LMO3: variants seen among roughly 807,000 people sequenced by gnomAD.
LMO3 encodes the protein LIM domain only 3.
A neutral mutation model predicts 15.8 loss-of-function variants in LMO3; 2 were observed. The observed-to-expected ratio is 0.13, with a 90% CI of 0.05 to 0.40. The LOEUF (loss-of-function observed/expected upper bound fraction) is 0.40. LMO3 is among the 10% of genes least tolerant of loss of function. The probability of loss-of-function intolerance (pLI) is 0.99; values close to 1 mark genes in which losing one functional copy is unlikely to be tolerated. For missense variants in LMO3, 86 were observed against 182.2 expected (o/e 0.47, Z 3.04); for synonymous variants, 62 against 63.8 (o/e 0.97, Z 0.13).
At chr12:16,573,349 G>A (rs1942884888) in intron 2 of LMO3, among the ~76,000 whole-genome samples, 2 of 152,094 alleles carry the variant, frequency 1.3e-5, no homozygotes, top group Admixed American at 1.3e-4. Flanking sequence ...AAAACATGAG[G>A]TACTGGAATC....
chr12:16,558,903 TA>T (rs1942290556), intron 3 of LMO3, among the ~76,000 whole-genome samples: 1 of 152,184 alleles, frequency 6.6e-6, no homozygotes, highest in Non-Finnish European at 1.5e-5. Flanking sequence ...AGAGAGGTGT[TA>T]GTGTTTCTAT....
chr12:16,550,103 A>G lies in LMO3; in HGVS notation c.*1119T>C, dbSNP rs1276260486. 1 of 152,064 alleles carries G rather than the reference A, an allele frequency of 6.6e-6. No individual in the cohort carries two copies. Among genetic ancestry groups the G allele is most frequent in the Non-Finnish European group, 1.5e-5 (1 of 67,918 alleles). 9.4% of individuals were successfully genotyped at this position (152,064 alleles called of 1,614,324 possible). ...TGTTTCTCTTCTTCTAGAAGATTCTATGAGCATTATGTTGCTCCGATCAAA... is the reference window on the plus strand; with the variant it reads ...TGTTTCTCTTCTTCTAGAAGATTCTGTGAGCATTATGTTGCTCCGATCAAA... On this transcript the variant is annotated 3_prime_UTR_variant, in exon 4 of 4. Coordinates refer to ENST00000537304, the MANE Select transcript of LMO3 (RefSeq NM_018640.5).
At chr12:16,607,710 T>G (rs1345462050), upstream of LMO3, 1 of 151,862 alleles carries the variant, frequency 6.6e-6, no homozygotes, top group Admixed American at 6.6e-5. Flanking sequence ...TACAAAAAAC[T>G]TTTTTTCTTC....
At position 16,597,704 on chromosome 12, in the gene LMO3, AG is replaced by A. The variant is rs1943702933; in HGVS notation, c.206+2950del. On this transcript the variant is annotated intron_variant, in intron 2 of 3. Coordinates refer to ENST00000537304, the MANE Select transcript of LMO3 (RefSeq NM_018640.5). This position sits in a 1 kb window ranked among gnomAD's most constrained non-coding sequence, Gnocchi z 5.0. The stretch of plus-strand genomic sequence containing the variant: ...TTTAGACATGAAATATAAATATGTA[AG>A]TTATTTATGTTCAGTTTGGTGCCTC... 1 of 151,924 alleles carries A rather than the reference AG, an allele frequency of 6.6e-6. No individual in the cohort carries two copies. Among genetic ancestry groups the A allele is most frequent in the South Asian group, 2.1e-4 (1 of 4,834 alleles). 9.4% of individuals were successfully genotyped at this position (151,924 alleles called of 1,614,324 possible).
intron 2 of LMO3, chr12:16,573,975 G>A (rs1446849750): frequency 6.6e-6 from 1 of 152,144 alleles, no homozygotes; most frequent in Non-Finnish European, 1.5e-5. Context: ...CGGAACTGGA[G>A]TCCGTGCCCC....
rs2137335832 is a variant in LMO3, at chr12:16,560,885, A to T, written c.207-347T>A. 1 of 233,426 alleles carries T rather than the reference A, an allele frequency of 4.3e-6. No homozygotes were observed. The highest frequency in any genetic ancestry group is 4.6e-5 in the Admixed American group (1 of 21,808). 14.5% of individuals were successfully genotyped at this position (233,426 alleles called of 1,614,324 possible). On this transcript the variant is annotated intron_variant, in intron 2 of 3. Transcript: ENST00000537304. This position sits in a 1 kb window ranked among gnomAD's most constrained non-coding sequence, Gnocchi z 5.0. The stretch of plus-strand genomic sequence containing the variant: ...ATAAAAGCAATATAACTTTGCTCTT[A>T]ATGTTATATATTAAACATTTTAGTT...
At chr12:16,605,435 T>TCCCCCCCCCCCCC in intron 1 of LMO3, 2 of 382,354 alleles carry the variant, frequency 5.2e-6, no homozygotes, top group Non-Finnish European at 5.9e-6. Flanking sequence ...CCTACCCGCC[T>TCCCCCCCCCCCCC]GCCCCCCCCC....
chr12:16,552,614 G>T (rs1302998974), intron 3 of LMO3, among the ~76,000 whole-genome samples: 1 of 151,988 alleles, frequency 6.6e-6, no homozygotes, highest in Non-Finnish European at 1.5e-5. Flanking sequence ...AGACTGAAAA[G>T]AATTAGCTTT....
Position 16,587,125 on chromosome 12 carries a change from G to A in LMO3, c.206+13530C>T, listed in dbSNP as rs1943346103. ...TGCCCACAAGGGTACTTGGACAATG[G>A]CTTACATTTTAAATTATAGCAATTG... On this transcript the variant is annotated intron_variant, in intron 2 of 3. Coordinates refer to ENST00000537304, the MANE Select transcript of LMO3 (RefSeq NM_018640.5). This position sits in a 1 kb window ranked among gnomAD's most constrained non-coding sequence, Gnocchi z 4.3. Among the ~76,000 whole-genome samples, 1 of 152,112 alleles carries A rather than the reference G, an allele frequency of 6.6e-6. No individual in the cohort carries two copies. Among genetic ancestry groups the A allele is most frequent in the African/African-American group, 2.4e-5 (1 of 41,434 alleles).
rs537683898 is a variant in LMO3, at chr12:16,596,041, C to G, written c.206+4614G>C. Among the ~76,000 whole-genome samples the G allele has an allele frequency of 6.6e-6, 1 of 151,514 alleles. No homozygotes were observed. Among genetic ancestry groups the G allele is most frequent in the African/African-American group, 2.4e-5 (1 of 41,490 alleles). Reference sequence around the variant, plus strand: ...ATATTAACAACATATTCCTATTTACCTTTACACTTATAATTATGTACCAAT... The same window carrying G: ...ATATTAACAACATATTCCTATTTACGTTTACACTTATAATTATGTACCAAT... On this transcript the variant is annotated intron_variant, in intron 2 of 3. Transcript: ENST00000537304. This position sits in a 1 kb window ranked among gnomAD's most constrained non-coding sequence, Gnocchi z 4.3.
intron 2 of LMO3, among the ~76,000 whole-genome samples, chr12:16,583,357 A>G (rs978738612): frequency 6.6e-6 from 1 of 152,162 alleles, no homozygotes; most frequent in Non-Finnish European, 1.5e-5. Context: ...ACAGTAACAT[A>G]AATTTGAGGG....
chr12:16,578,944 AAAG>A (rs1239019173), intron 2 of LMO3, among the ~76,000 whole-genome samples: 8 of 152,212 alleles, frequency 5.3e-5, no homozygotes, highest in Non-Finnish European at 7.3e-5. Flanking sequence ...AATAAAAAGA[AAAG>A]AAAAAGTTCT....
In LMO3 at chr12:16,598,041, AT is replaced by A. The variant is rs1943711866; in HGVS notation, c.206+2613del. The A allele has an allele frequency of 6.6e-6, 1 of 152,048 alleles. No homozygotes were observed. The highest frequency in any genetic ancestry group is 2.4e-5 in the African/African-American group (1 of 41,434). The allele number at this position is 152,048 out of a possible 1,614,324, so 9.4% of individuals were successfully genotyped here. A position where few individuals can be genotyped will look rare whatever the true frequency, so the allele number is the denominator to read the frequency against. ...CTCACACAGTAAGCATTTAATAAAC[AT>A]TTTTGAACAACTATTTGTATCTAAT... On this transcript the variant is annotated intron_variant, in intron 2 of 3. Transcript: ENST00000537304. This position sits in a 1 kb window ranked among gnomAD's most constrained non-coding sequence, Gnocchi z 4.3.
At chr12:16,588,598 A>G (rs1471140507) in intron 2 of LMO3, among the ~76,000 whole-genome samples, 4 of 152,082 alleles carry the variant, frequency 2.6e-5, no homozygotes, top group African/African-American at 9.7e-5. Context: ...AAAGATCCAA[A>G]TTCATCCTAA....
At chr12:16,564,460 G>A (rs374258114) in intron 2 of LMO3, among the ~76,000 whole-genome samples, 2 of 152,186 alleles carry the variant, frequency 1.3e-5, no homozygotes, top group African/African-American at 4.8e-5. Context: ...CTGCGGACTG[G>A]GGGTAGGGAA....
chr12:16,553,451 G>C (rs1942069586), intron 3 of LMO3, among the ~76,000 whole-genome samples: 1 of 152,024 alleles, frequency 6.6e-6, no homozygotes. Context: ...TCAATTAAGT[G>C]GTATATATAG....
At chr12:16,554,881 A>T (rs531135626) in intron 3 of LMO3, among the ~76,000 whole-genome samples, 1 of 151,984 alleles carries the variant, frequency 6.6e-6, no homozygotes, top group East Asian at 1.9e-4. Flanking sequence ...GATGGTCTCG[A>T]TCTCCCAACC....
rs1050858919 is a variant in LMO3 at position 16,559,271 on chromosome 12, C to T, written c.332+1142G>A. ...CATTTTAATGTTCTAAAATCCTCTC[C>T]ATTTATCATATAAAACAGGTGCCAG... On this transcript the variant is annotated intron_variant, in intron 3 of 3. Transcript: ENST00000537304. This position sits in a 1 kb window ranked among gnomAD's most constrained non-coding sequence, Gnocchi z 4.1. Among the ~76,000 whole-genome samples the T allele has an allele frequency of 1.3e-5, 2 of 152,102 alleles. No individual in the cohort carries two copies. The highest frequency in any genetic ancestry group is 2.4e-5 in the African/African-American group (1 of 41,426).
At chr12:16,577,585 C>T (rs1943033847) in intron 2 of LMO3, among the ~76,000 whole-genome samples, 1 of 152,108 alleles carries the variant, frequency 6.6e-6, no homozygotes, top group African/African-American at 2.4e-5. Context: ...AGAATTTCCC[C>T]TGTTCACAAA....
Sources: gnomAD v4.1 joint callset for allele counts (sites outside exome capture counted in the v4.1 genomes callset) on GRCh38, gnomAD v4.1.1 for gene constraint, Gnocchi (gnomAD v3.1) non-coding constraint, MANE v1.5 for transcripts, NCBI Gene and HGNC (gene_info 2026-07-23, HGNC 2026-07-21) for gene names.